METTL9: variants seen among roughly 807,000 people sequenced by gnomAD.
METTL9 encodes the protein protein-L-histidine N-pros-methyltransferase.
A neutral mutation model predicts 36.0 loss-of-function variants in METTL9; 10 were observed. That is an observed-to-expected ratio of 0.28 (90% CI 0.17 to 0.47). The LOEUF (loss-of-function observed/expected upper bound fraction) is 0.47. Among genes scored for constraint, METTL9 ranks in the 20% least tolerant of loss-of-function variants. The pLI is 0.99. For missense variants in METTL9, 246 were observed against 383.5 expected (o/e 0.64, Z 3.00); for synonymous variants, 175 against 149.7 (o/e 1.17, Z -1.23).
At chr16:21,616,602 A>G (rs1279231084) in intron 2 of METTL9, among the ~76,000 whole-genome samples, 1 of 152,128 alleles carries the variant, frequency 6.6e-6, no homozygotes, top group African/African-American at 2.4e-5. Context: ...TTTCAAAGGC[A>G]TCACTATGGT....
intron 2 of METTL9, among the ~76,000 whole-genome samples, 194 bp downstream of exon 2, chr16:21,613,029 G>A (rs1965465672): frequency 6.6e-6 from 1 of 152,010 alleles, no homozygotes; most frequent in Non-Finnish European, 1.5e-5. Flanking sequence ...TAACGTGACA[G>A]CCTCATTAGT....
intron 1 of METTL9, among the ~76,000 whole-genome samples, chr16:21,601,083 T>C (rs1965113670): frequency 6.6e-6 from 1 of 152,348 alleles, no homozygotes. Flanking sequence ...TTTTTTCTAT[T>C]GTTAAAGGAA....
At position 21,655,336 on chromosome 16, in the gene METTL9, C is replaced by T. The variant is rs139459970; in HGVS notation, c.861C>T (p.Ile287=). The T allele has an allele frequency of 1.7e-4, 267 of 1,614,172 alleles. No individual in the cohort carries two copies. Among genetic ancestry groups the T allele is most frequent in the Non-Finnish European group, 2.1e-4 (245 of 1,180,022 alleles). ...PEVFRKAGFV[I]EAFTRLPYLC... The stretch of plus-strand genomic sequence containing the variant: ...TTTTCAGAAAAGCTGGTTTTGTTAT[C>T]GAAGCTTTCACCAGACTACCATACC... The change falls in exon 5 of 5, where the codon ATC becomes ATT. Residue 287 remains isoleucine, a synonymous_variant. Transcript: ENST00000358154.
At chr16:21,643,785 T>C (rs1383868269) in intron 4 of METTL9, among the ~76,000 whole-genome samples, 1 of 152,216 alleles carries the variant, frequency 6.6e-6, no homozygotes, top group Non-Finnish European at 1.5e-5. Flanking sequence ...CTGACGTTGA[T>C]TGTAGGATTT....
At chr16:21,606,344 T>TAAA (rs1387633331) in intron 1 of METTL9, among the ~76,000 whole-genome samples, 1 of 151,688 alleles carries the variant, frequency 6.6e-6, no homozygotes, top group Non-Finnish European at 1.5e-5. Context: ...CTCAAAATAA[T>TAAA]AATAATAATA....
chr16:21,627,502 A>G (rs1035237872), intron 4 of METTL9: 2 of 296,596 alleles, frequency 6.7e-6, no homozygotes, highest in African/African-American at 4.5e-5. Context: ...GCACCCCCCA[A>G]AGAAGGAAAG....
chr16:21,598,352 CAAAAAAAAA>C (rs1161878357), upstream of METTL9, among the ~76,000 whole-genome samples: 5 of 59,154 alleles, frequency 8.5e-5, no homozygotes, highest in East Asian at 5.1e-4. Context: ...CACTCCGTTT[CAAAAAAAAA>C]AAAAAAAAAA....
upstream of METTL9, chr16:21,599,461 G>T (rs935850908): frequency 3.4e-6 from 4 of 1,162,544 alleles, no homozygotes; most frequent in Non-Finnish European, 4.2e-6. The surrounding 1 kb of genome is among the most constrained non-coding windows in gnomAD (Gnocchi z 4.4). Context: ...AGGGCGCCGG[G>T]GGAGAAAGCG....
rs573239204 is a variant in METTL9 at position 21,650,731 on chromosome 16, C to T, written c.752-4496C>T. Among the ~76,000 whole-genome samples, 21 of 152,106 alleles carry T rather than the reference C, an allele frequency of 1.4e-4. No homozygotes were observed. The South Asian group carries it at 3.5e-3, about 26-fold the overall frequency. ...GGAACTTGTGATGAAACTGTGGTTC[C>T]CTCCCCCAACCAGTTAGGCAACCTA... On this transcript the variant is annotated intron_variant, in intron 4 of 4. Transcript: ENST00000358154.
chr16:21,607,002 C>G (rs931915072), intron 1 of METTL9, among the ~76,000 whole-genome samples: 3 of 152,028 alleles, frequency 2.0e-5, no homozygotes, highest in Non-Finnish European at 4.4e-5. Flanking sequence ...AGGAAAATTG[C>G]ATTCCTACTT....
At position 21,655,984 on chromosome 16, in the gene METTL9, A is replaced by AT. The variant is rs1966699552; in HGVS notation, c.*554dup. 1 of 152,588 alleles carries AT rather than the reference A, an allele frequency of 6.6e-6. No individual in the cohort carries two copies. The highest frequency in any genetic ancestry group is 2.4e-5 in the African/African-American group (1 of 41,318). The allele number at this position is 152,588 out of a possible 1,614,324, so 9.5% of individuals were successfully genotyped here. A position where few individuals can be genotyped will look rare whatever the true frequency, so the allele number is the denominator to read the frequency against. Reference sequence around the variant, plus strand: ...ATATAAAGCTCCCCTAGCATTTTTTATTGGTTTGGCTTCAGGAGTACCCAA... The same window carrying AT: ...ATATAAAGCTCCCCTAGCATTTTTTATTTGGTTTGGCTTCAGGAGTACCCAA... On this transcript the variant is annotated 3_prime_UTR_variant, in exon 5 of 5. Coordinates refer to ENST00000358154, the MANE Select transcript of METTL9 (RefSeq NM_016025.5).
At chr16:21,600,286 A>T (rs1276602838) in intron 1 of METTL9, among the ~76,000 whole-genome samples, 1 of 152,100 alleles carries the variant, frequency 6.6e-6, no homozygotes, top group East Asian at 1.9e-4. Context: ...GACTGAAGAG[A>T]CCCGGCCAGA....
intron 3 of METTL9, among the ~76,000 whole-genome samples, chr16:21,619,531 C>T (rs1272442036): frequency 2.0e-5 from 3 of 151,242 alleles, no homozygotes; most frequent in Non-Finnish European, 4.4e-5. Flanking sequence ...GGCAATTCTA[C>T]TGCCTCAGCC....
chr16:21,647,258 A>G (rs752179827), intron 4 of METTL9: 56 of 1,613,990 alleles, frequency 3.5e-5, no homozygotes, highest in Non-Finnish European at 4.7e-5. Context: ...AGTGAGGGAA[A>G]CTTGGTTTTC....
upstream of METTL9, among the ~76,000 whole-genome samples, chr16:21,598,273 C>T (rs574594392): frequency 4.0e-5 from 6 of 148,518 alleles, no homozygotes; most frequent in South Asian, 1.1e-3. Flanking sequence ...TGCTTGAACC[C>T]GGGAGGCGGA....
chr16:21,655,171 C>T (rs530207901), intron 4 of METTL9, 56 bp from the exon 5 acceptor site: 8 of 1,526,094 alleles, frequency 5.2e-6, no homozygotes, highest in African/African-American at 1.4e-5. Context: ...CCCTGCTTCC[C>T]TCTTTAAATC....
chr16:21,634,723 A>G (rs1387317642), intron 4 of METTL9, among the ~76,000 whole-genome samples: 3 of 152,056 alleles, frequency 2.0e-5, no homozygotes, highest in Non-Finnish European at 4.4e-5. Flanking sequence ...TAATAAACTT[A>G]CCTTTTAGGA....
At chr16:21,617,134 TC>T (rs1354823477) in intron 2 of METTL9, among the ~76,000 whole-genome samples, 1 of 152,190 alleles carries the variant, frequency 6.6e-6, no homozygotes, top group African/African-American at 2.4e-5. Flanking sequence ...AAAGATAATA[TC>T]TTTGCTGGGC....
chr16:21,622,303 C>T (rs1172209996), intron 3 of METTL9, among the ~76,000 whole-genome samples: 1 of 151,330 alleles, frequency 6.6e-6, no homozygotes, highest in Non-Finnish European at 1.5e-5. Context: ...GTGTGTGCCA[C>T]CATCCTTGGC....
Sources: gnomAD v4.1 joint callset for allele counts (sites outside exome capture counted in the v4.1 genomes callset) on GRCh38, gnomAD v4.1.1 for gene constraint, Gnocchi (gnomAD v3.1) non-coding constraint, MANE v1.5 for transcripts, NCBI Gene and HGNC (gene_info 2026-07-23, HGNC 2026-07-21) for gene names.